The following TMEM132D variants were observed in gnomAD, a reference collection of about 807,000 sequenced individuals.
TMEM132D encodes the protein transmembrane protein 132D.
In TMEM132D, 21 loss-of-function variants were observed where a neutral mutation model predicts 62.3. The observed-to-expected ratio is 0.34, with a 90% CI of 0.24 to 0.49. The LOEUF is 0.49. Ranked by LOEUF, TMEM132D falls within the 20% of genes least tolerant of loss-of-function variation. TMEM132D has a pLI of 0.99. For missense variants in TMEM132D, 1,346 were observed against 1,402.8 expected, an observed-to-expected ratio of 0.96 and a Z score of 0.65; for synonymous variants, 621 against 575.6, an observed-to-expected ratio of 1.08 and a Z score of -1.13.
chr12:129,528,431 C>CAAAAAA (rs200147997), intron 3 of TMEM132D, among the ~76,000 whole-genome samples: 2 of 133,204 alleles, frequency 1.5e-5, no homozygotes, highest in African/African-American at 2.7e-5. Flanking sequence ...ATGCACACAG[C>CAAAAAA]AAAAAAAAAA....
At chr12:129,282,600 A>C (rs1055489758) in intron 4 of TMEM132D, among the ~76,000 whole-genome samples, 2 of 152,168 alleles carry the variant, frequency 1.3e-5, no homozygotes, top group South Asian at 2.1e-4. Context: ...AACTGCACTG[A>C]GTTTATATTC....
chr12:129,355,753 T>A (rs1385906512), intron 3 of TMEM132D, among the ~76,000 whole-genome samples: 1 of 152,220 alleles, frequency 6.6e-6, no homozygotes, highest in African/African-American at 2.4e-5. Context: ...GCTTTTGTTC[T>A]TAACAATCTG....
At chr12:129,145,041 C>T (rs1018074104) in intron 5 of TMEM132D, among the ~76,000 whole-genome samples, 3 of 151,274 alleles carry the variant, frequency 2.0e-5, no homozygotes, top group African/African-American at 7.4e-5. Flanking sequence ...TGTACATGTG[C>T]TTCTATATAT....
intron 4 of TMEM132D, among the ~76,000 whole-genome samples, chr12:129,295,001 T>A (rs73422222): frequency 0.024 from 3,677 of 152,240 alleles, 144 homozygotes; most frequent in African/African-American, 0.083. Context: ...GTTAGGGTGT[T>A]TTTTTGATGA....
chr12:129,564,555 A>G (rs181575909), intron 2 of TMEM132D, among the ~76,000 whole-genome samples: 56 of 152,202 alleles, frequency 3.7e-4, no homozygotes, highest in Non-Finnish European at 6.3e-4. Flanking sequence ...TCTTTCGTTA[A>G]AGCAATTCAC....
chr12:129,229,814 G>C (rs1879587206), intron 4 of TMEM132D, among the ~76,000 whole-genome samples: 1 of 152,210 alleles, frequency 6.6e-6, no homozygotes, highest in African/African-American at 2.4e-5. Flanking sequence ...ATTTCAGCAA[G>C]ACTTATTGGT....
chr12:129,597,518 T>C lies in TMEM132D; in HGVS notation c.969-66313A>G, dbSNP rs569975443. ...CAAGATTCCCCAGAAGCAAATAACA[T>C]TCACGGAGTACAAGTAGGACAGTCC... On this transcript the variant is annotated intron_variant, in intron 2 of 8. Coordinates refer to ENST00000422113, the MANE Select transcript of TMEM132D (RefSeq NM_133448.3). Among the ~76,000 whole-genome samples, 4 of 152,276 alleles carry C rather than the reference T, an allele frequency of 2.6e-5. No homozygotes were observed. In the South Asian group the frequency reaches 8.3e-4, roughly 32 times the overall value.
chr12:129,815,075 C>T (rs940923916), intron 1 of TMEM132D, among the ~76,000 whole-genome samples: 10 of 152,116 alleles, frequency 6.6e-5, no homozygotes, highest in Admixed American at 4.6e-4. Context: ...TTTCCTGGAA[C>T]GTATTAGATG....
intron 1 of TMEM132D, among the ~76,000 whole-genome samples, chr12:129,860,889 G>C (rs1873872887): frequency 2.6e-5 from 4 of 152,148 alleles, no homozygotes. Flanking sequence ...AGTATCACAA[G>C]AACAGGATTG....
intron 2 of TMEM132D, among the ~76,000 whole-genome samples, chr12:129,652,914 C>T (rs796446326): frequency 2.0e-4 from 30 of 152,338 alleles, no homozygotes; most frequent in African/African-American, 7.0e-4. Context: ...CTGCCTGCCA[C>T]ACCACATCCC....
At chr12:129,863,773 G>T (rs1298049179) in intron 1 of TMEM132D, among the ~76,000 whole-genome samples, 1 of 152,016 alleles carries the variant, frequency 6.6e-6, no homozygotes, top group Non-Finnish European at 1.5e-5. Context: ...GGTATTGTTT[G>T]TTTCTGTTTT....
intron 4 of TMEM132D, among the ~76,000 whole-genome samples, chr12:129,331,108 G>A (rs1869088865): frequency 6.6e-6 from 1 of 152,194 alleles, no homozygotes; most frequent in Non-Finnish European, 1.5e-5. Context: ...CCCTGTGGTG[G>A]ATGTGGCATG....
intron 3 of TMEM132D, among the ~76,000 whole-genome samples, chr12:129,506,925 C>G (rs1875349697): frequency 6.6e-6 from 1 of 150,942 alleles, no homozygotes; most frequent in Non-Finnish European, 1.5e-5. Flanking sequence ...ACAGACAACC[C>G]AGAGTGGGAG....
intron 1 of TMEM132D, among the ~76,000 whole-genome samples, chr12:129,841,869 T>C (rs1478982731): frequency 6.6e-6 from 1 of 151,056 alleles, no homozygotes; most frequent in Non-Finnish European, 1.5e-5. Context: ...ATAATAGTAA[T>C]GGCTGATATT....
At chr12:129,855,029 T>G (rs750200026) in intron 1 of TMEM132D, 2 of 152,670 alleles carry the variant, frequency 1.3e-5, no homozygotes, top group Non-Finnish European at 2.9e-5. Flanking sequence ...GTGATGCTAT[T>G]AGACGGAGAG....
chr12:129,788,104 G>A (rs571739502), intron 1 of TMEM132D, among the ~76,000 whole-genome samples: 1 of 152,358 alleles, frequency 6.6e-6, no homozygotes, highest in East Asian at 1.9e-4. Context: ...GCACTGAAAT[G>A]GTGTAATCTC....
At chr12:129,150,995 A>G (rs1877053903) in intron 5 of TMEM132D, among the ~76,000 whole-genome samples, 1 of 152,126 alleles carries the variant, frequency 6.6e-6, no homozygotes, top group Non-Finnish European at 1.5e-5. Flanking sequence ...GCCGGCTTGT[A>G]TCTGTCCCCT....
At chr12:129,863,822 G>C (rs1301389257) in intron 1 of TMEM132D, among the ~76,000 whole-genome samples, 1 of 152,048 alleles carries the variant, frequency 6.6e-6, no homozygotes, top group African/African-American at 2.4e-5. Context: ...ATTGTAACAG[G>C]AATCTTTTCT....
At chr12:129,531,883 C>T (rs1876236278) in intron 2 of TMEM132D, among the ~76,000 whole-genome samples, 1 of 152,044 alleles carries the variant, frequency 6.6e-6, no homozygotes, top group Non-Finnish European at 1.5e-5. Flanking sequence ...TAATGAAACC[C>T]CATCTCAACT....
Sources: allele counts gnomAD v4.1 joint callset (sites outside exome capture counted in the v4.1 genomes callset), GRCh38; gene constraint gnomAD v4.1.1; transcripts MANE v1.5; gene names NCBI Gene and HGNC (gene_info 2026-07-23, HGNC 2026-07-21).